Variants in SEMA3D observed in about 807,000 individuals in gnomAD.
The protein encoded by SEMA3D is semaphorin 3D, also known as semaphorin-3D.
Under a neutral mutation model 100.1 loss-of-function variants are expected in SEMA3D, and 84 were observed. The observed-to-expected ratio is 0.84, with a 90% CI of 0.70 to 1.01. SEMA3D has a LOEUF of 1.01. Among genes scored for constraint, SEMA3D ranks in the 50% least tolerant of loss-of-function variants. SEMA3D has a pLI of 0.00. For missense variants in SEMA3D, 875 were observed against 934.1 expected (o/e 0.94, Z 0.82); for synonymous variants, 312 against 320.7 (o/e 0.97, Z 0.29).
intron 4 of SEMA3D, among the ~76,000 whole-genome samples, chr7:85,082,464 A>G (rs540236159): frequency 6.6e-6 from 1 of 152,346 alleles, no homozygotes; most frequent in South Asian, 2.1e-4. Flanking sequence ...ACAGAAAGAA[A>G]TGCTCTCTGT....
chr7:85,115,344 T>C (rs1326322685), intron 3 of SEMA3D, among the ~76,000 whole-genome samples: 1 of 152,170 alleles, frequency 6.6e-6, no homozygotes, highest in African/African-American at 2.4e-5. Flanking sequence ...ATAATACTCA[T>C]CTCACAGAGA....
chr7:85,073,714 A>C (rs1164476701), intron 5 of SEMA3D, among the ~76,000 whole-genome samples: 2 of 152,218 alleles, frequency 1.3e-5, no homozygotes, highest in Non-Finnish European at 2.9e-5. Context: ...CTATGTATTC[A>C]ATTCTTATTG....
intron 2 of SEMA3D, among the ~76,000 whole-genome samples, chr7:85,136,840 T>A (rs952075544): frequency 1.3e-5 from 2 of 152,106 alleles, no homozygotes; most frequent in East Asian, 3.8e-4. Context: ...TGAACAGGGA[T>A]CCACCATGCT....
At chr7:85,107,468 A>AT (rs1312685250) in intron 3 of SEMA3D, among the ~76,000 whole-genome samples, 4 of 152,032 alleles carry the variant, frequency 2.6e-5, no homozygotes, top group African/African-American at 4.8e-5. Flanking sequence ...AATGCTTTCC[A>AT]TTTTTACATT....
chr7:85,144,863 A>C (rs747993805), intron 2 of SEMA3D, among the ~76,000 whole-genome samples: 2 of 152,170 alleles, frequency 1.3e-5, no homozygotes, highest in African/African-American at 4.8e-5. Context: ...ATCATAAATT[A>C]ATCTGGCTTT....
the SEMA3D span, among the ~76,000 whole-genome samples, chr7:85,245,198 G>T: frequency 6.6e-6 from 1 of 152,082 alleles, no homozygotes; most frequent in Non-Finnish European, 1.5e-5. Flanking sequence ...ATTCAAAATC[G>T]TAAGGTTGGG....
intron 1 of SEMA3D, among the ~76,000 whole-genome samples, chr7:85,155,269 T>A (rs1272766535): frequency 2.6e-5 from 4 of 152,082 alleles, no homozygotes; most frequent in Non-Finnish European, 5.9e-5. Flanking sequence ...AGAATAAAAA[T>A]TTTGTATTTT....
chr7:85,201,415 AT>A, the SEMA3D span, among the ~76,000 whole-genome samples: 1 of 152,160 alleles, frequency 6.6e-6, no homozygotes, highest in Non-Finnish European at 1.5e-5. Context: ...GTTTCCTGCT[AT>A]TGCTAGGCTT....
chr7:85,179,710 G>A (rs112501628), intron 1 of SEMA3D, among the ~76,000 whole-genome samples: 5,261 of 150,310 alleles, frequency 0.035, 283 homozygotes, highest in African/African-American at 0.12. Context: ...TGCCCAGGCC[G>A]GACTGCAGTG....
At chr7:85,241,097 A>G in the SEMA3D span, among the ~76,000 whole-genome samples, 9 of 152,256 alleles carry the variant, frequency 5.9e-5, no homozygotes, top group South Asian at 2.1e-4. Flanking sequence ...AGGGAAATGC[A>G]AATCAAAACC....
intron 1 of SEMA3D, among the ~76,000 whole-genome samples, chr7:85,163,975 G>A (rs1295271911): frequency 6.6e-6 from 1 of 152,200 alleles, no homozygotes. Context: ...TCAATAATAA[G>A]TAATAATCAC....
At chr7:85,036,559 C>A (rs1394592307) in intron 12 of SEMA3D, among the ~76,000 whole-genome samples, 3 of 152,016 alleles carry the variant, frequency 2.0e-5, no homozygotes, top group Non-Finnish European at 2.9e-5. Flanking sequence ...AGAAATAATA[C>A]TTCTTTGACA....
chr7:85,151,550 T>C (rs1583971293), intron 2 of SEMA3D: 2 of 773,796 alleles, frequency 2.6e-6, no homozygotes, highest in Non-Finnish European at 3.1e-6. Context: ...ATTTCTATGC[T>C]GGTTAAAATA....
At chr7:85,012,998 C>T in intron 16 of SEMA3D, 152 bp from the exon 17 acceptor site, 1 of 525,240 alleles carries the variant, frequency 1.9e-6, no homozygotes, top group East Asian at 3.2e-5. Flanking sequence ...ATCAATCTAA[C>T]ATTGATTTAA....
At chr7:85,184,141 T>C (rs561866699) in intron 1 of SEMA3D, among the ~76,000 whole-genome samples, 1 of 152,320 alleles carries the variant, frequency 6.6e-6, no homozygotes, top group South Asian at 2.1e-4. Flanking sequence ...ATGAATTGCA[T>C]TTAAAATTTT....
chr7:85,142,058 AC>A (rs1790066134), intron 2 of SEMA3D: 1 of 984,086 alleles, frequency 1.0e-6, no homozygotes, highest in African/African-American at 1.7e-5. Context: ...AAAAAAAAAA[AC>A]CAAGTTTCTG....
intron 2 of SEMA3D, among the ~76,000 whole-genome samples, chr7:85,133,058 C>T (rs1789770719): frequency 6.6e-6 from 1 of 151,906 alleles, no homozygotes; most frequent in Non-Finnish European, 1.5e-5. Context: ...GAAATTTCAG[C>T]TTCTTTATCA....
intron 5 of SEMA3D, 90 bp downstream of exon 5, chr7:85,081,427 A>C: frequency 1.3e-6 from 1 of 797,954 alleles, no homozygotes; most frequent in South Asian, 1.5e-5. Flanking sequence ...TAATACACTA[A>C]TACCATTAAT....
At chr7:85,142,252 AT>A (rs1383921017) in intron 2 of SEMA3D, 1 of 981,892 alleles carries the variant, frequency 1.0e-6, no homozygotes, top group Non-Finnish European at 1.2e-6. Flanking sequence ...AATATAATAA[AT>A]TTTTGAACCA....
Sources: allele counts gnomAD v4.1 joint callset (sites outside exome capture counted in the v4.1 genomes callset), GRCh38; gene constraint gnomAD v4.1.1; transcripts MANE v1.5; gene names NCBI Gene and HGNC (gene_info 2026-07-23, HGNC 2026-07-21).